PLCG2: variants seen among roughly 807,000 people sequenced by gnomAD.
PLCG2 encodes phospholipase C gamma 2, also known as 1-phosphatidylinositol 4,5-bisphosphate phosphodiesterase gamma-2.
PLCG2 carries 69 observed loss-of-function variants against 175.6 expected under a neutral mutation model. That is an observed-to-expected ratio of 0.39 (90% CI 0.32 to 0.48). The LOEUF (loss-of-function observed/expected upper bound fraction) is 0.48. Ranked by LOEUF, PLCG2 falls within the 20% of genes least tolerant of loss-of-function variation. The probability of loss-of-function intolerance (pLI) is 0.91; values close to 1 mark genes in which losing one functional copy is unlikely to be tolerated. For synonymous variants in PLCG2, 827 were observed against 624.0 expected, an observed-to-expected ratio of 1.33 and a Z score of -4.85; for missense variants, 1,798 against 1,650.9, an observed-to-expected ratio of 1.09 and a Z score of -1.54.
chr16:81,837,957 C>G (rs1038598797), intron 2 of PLCG2, among the ~76,000 whole-genome samples: 1 of 152,152 alleles, frequency 6.6e-6, no homozygotes, highest in Non-Finnish European at 1.5e-5. Context: ...TAGTTATGTA[C>G]AATTTGGTCA....
In PLCG2 at chr16:81,831,254, T is replaced by C. The variant is rs548115309; in HGVS notation, c.194-23190T>C. 2.6e-4 allele frequency among the ~76,000 whole-genome samples: 40 copies of C among 152,342 alleles called. 1 individual carries two copies. Among genetic ancestry groups the C allele is most frequent in the African/African-American group, 9.6e-4 (40 of 41,564 alleles). On this transcript the variant is annotated intron_variant, in intron 2 of 32. Coordinates refer to ENST00000564138, the MANE Select transcript of PLCG2 (RefSeq NM_002661.5). Reference sequence around the variant, plus strand: ...ATGTAATTCTTCGAGGCCAGGAATTTGGTCTGTTTTATTCATAGCTGTATC... The same window carrying C: ...ATGTAATTCTTCGAGGCCAGGAATTCGGTCTGTTTTATTCATAGCTGTATC...
At chr16:81,752,267 G>A (rs1909827424) in intron 1 of PLCG2, among the ~76,000 whole-genome samples, 1 of 152,118 alleles carries the variant, frequency 6.6e-6, no homozygotes, top group Admixed American at 6.6e-5. Flanking sequence ...TCATTGTGGG[G>A]TGAAAGCAGG....
intron 2 of PLCG2, among the ~76,000 whole-genome samples, chr16:81,845,864 C>T (rs981625806): frequency 2.6e-4 from 39 of 152,224 alleles, no homozygotes; most frequent in Non-Finnish European, 7.3e-5. Flanking sequence ...TATGTGGCTT[C>T]TTAGAGTCAC....
At chr16:81,911,623 A>G (rs542878500) in intron 18 of PLCG2, among the ~76,000 whole-genome samples, 332 of 116,912 alleles carry the variant, frequency 2.8e-3, no homozygotes, top group African/African-American at 0.01. Context: ...TTAATTAATT[A>G]ATTTTGAGAC....
rs770339418 is a variant in PLCG2, at chr16:81,910,727, G to T, written c.1934+7G>T. On this transcript the variant is annotated splice_region_variant and intron_variant, in intron 18 of 32. Coordinates refer to ENST00000564138, the MANE Select transcript of PLCG2 (RefSeq NM_002661.5). ...ACCCCCACGAGTCCAAGCCGTACGT[G>T]TCTGAGGGTGGAGCAGGAGGCAGGC... 8 of 1,605,418 alleles carry T rather than the reference G, an allele frequency of 5.0e-6. No homozygotes were observed. The highest frequency in any genetic ancestry group is 6.8e-6 in the Non-Finnish European group (8 of 1,179,560).
chr16:81,745,110 C>T lies in PLCG2; in HGVS notation c.-145+5725C>T, dbSNP rs142754303. On this transcript the variant is annotated intron_variant, in intron 1 of 5. Transcript: ENST00000565054. Reference sequence around the variant, plus strand: ...GCTGGTTGTAAATGACCTCCAGCAACGGGGCTGGGTTTTGCATCCAGGTCA... The same window carrying T: ...GCTGGTTGTAAATGACCTCCAGCAATGGGGCTGGGTTTTGCATCCAGGTCA... Among the ~76,000 whole-genome samples the T allele has an allele frequency of 5.6e-3, 858 of 152,250 alleles. 7 individuals are homozygous for T. Among genetic ancestry groups the T allele is most frequent in the African/African-American group, 0.02 (822 of 41,552 alleles).
At chr16:81,910,825 C>T (rs1222444372) in intron 18 of PLCG2, 105 bp downstream of exon 18, 2 of 1,041,938 alleles carry the variant, frequency 1.9e-6, no homozygotes, top group Admixed American at 1.8e-5. Context: ...CCAGGACACC[C>T]TCTCCCCAGC....
At chr16:81,852,929 G>C (rs1040511257) in intron 2 of PLCG2, among the ~76,000 whole-genome samples, 5 of 152,092 alleles carry the variant, frequency 3.3e-5, no homozygotes, top group African/African-American at 9.7e-5. Context: ...CTCTCCATAG[G>C]GCTAACTTGG....
chr16:81,782,575 G>A (rs553293443), intron 1 of PLCG2, among the ~76,000 whole-genome samples: 83 of 152,326 alleles, frequency 5.4e-4, no homozygotes, highest in Non-Finnish European at 7.3e-4. Context: ...TCTTTTGGCC[G>A]TGAAGATCTG....
chr16:81,778,454 C>G (rs889296732), upstream of PLCG2, among the ~76,000 whole-genome samples: 16 of 152,282 alleles, frequency 1.1e-4, no homozygotes, highest in African/African-American at 3.4e-4. Flanking sequence ...GAAACTGCCT[C>G]TAGTCACAAC....
chr16:81,946,098 C>A, intron 30 of PLCG2, 77 bp from the exon 31 acceptor site: 1 of 1,094,310 alleles, frequency 9.1e-7, no homozygotes, highest in Non-Finnish European at 1.4e-6. Context: ...CCTATGATCC[C>A]GAGGTAGCCT....
At chr16:81,923,622 CG>C in intron 22 of PLCG2, 28 bp downstream of exon 22, 1 of 1,388,368 alleles carries the variant, frequency 7.2e-7, no homozygotes. Flanking sequence ...CTGGGCTGCT[CG>C]GCAGGTGGGC....
At chr16:81,755,282 G>A (rs1469253168) in intron 1 of PLCG2, among the ~76,000 whole-genome samples, 1 of 151,772 alleles carries the variant, frequency 6.6e-6, no homozygotes, top group African/African-American at 2.4e-5. Context: ...CTGCAGCCTT[G>A]ACCTCCTGGG....
At chr16:81,812,810 C>G (rs1410940556) in intron 2 of PLCG2, among the ~76,000 whole-genome samples, 3 of 151,908 alleles carry the variant, frequency 2.0e-5, no homozygotes, top group Admixed American at 2.0e-4. Context: ...GGTTTTAGGT[C>G]TTATGTTTAA....
At position 81,961,100 on chromosome 16, in the gene PLCG2, A is replaced by G. The variant is rs1256138790; in HGVS notation, c.*3102A>G. 1 of 230,268 alleles carries G rather than the reference A, an allele frequency of 4.3e-6. No homozygotes were observed. The highest frequency in any genetic ancestry group is 8.5e-6 in the Non-Finnish European group (1 of 116,994). The allele number at this position is 230,268 out of a possible 1,614,324, so 14.3% of individuals were successfully genotyped here. Reference sequence around the variant, plus strand: ...TTTCCAAGTTTTTCTGGTGGTTCCAAATTTTTTGCTTTCAACAAAGTGGGA... The same window carrying G: ...TTTCCAAGTTTTTCTGGTGGTTCCAGATTTTTTGCTTTCAACAAAGTGGGA... On this transcript the variant is annotated 3_prime_UTR_variant, in exon 33 of 33. Coordinates refer to ENST00000564138, the MANE Select transcript of PLCG2 (RefSeq NM_002661.5).
chr16:81,956,830 A>C lies in PLCG2; in HGVS notation c.3706A>C (p.Ser1236Arg). The change falls in exon 32 of 33, where the codon AGT (serine) becomes CGT (arginine). Residue 1236 changes from serine (S) to arginine (R), a missense_variant. Coordinates refer to ENST00000564138, the MANE Select transcript of PLCG2 (RefSeq NM_002661.5). Reference sequence around the variant, plus strand: ...CCGGGATGCCCTGGTTAAAGAGTTCAGTGTTAATGAGAACCAGCTCCAGCT... The same window carrying C: ...CCGGGATGCCCTGGTTAAAGAGTTCCGTGTTAATGAGAACCAGCTCCAGCT... Reference protein sequence around the residue: ...ANRDALVKEFSVNENQLQLYQ... With the variant: ...ANRDALVKEFRVNENQLQLYQ... 1 of 1,614,196 alleles carries C rather than the reference A, an allele frequency of 6.2e-7. No individual in the cohort carries two copies. Among genetic ancestry groups the C allele is most frequent in the Non-Finnish European group, 8.5e-7 (1 of 1,180,002 alleles).
At chr16:81,757,030 T>C (rs1255201134) in intron 2 of PLCG2, among the ~76,000 whole-genome samples, 1 of 152,228 alleles carries the variant, frequency 6.6e-6, no homozygotes, top group Non-Finnish European at 1.5e-5. Context: ...TGTATCTTGG[T>C]GAGTGGTTGT....
At chr16:81,761,119 A>T (rs985084100) in intron 2 of PLCG2, among the ~76,000 whole-genome samples, 1 of 152,060 alleles carries the variant, frequency 6.6e-6, no homozygotes, top group African/African-American at 2.4e-5. Context: ...CTGGTCTCAA[A>T]CTTCTGGGCT....
intron 2 of PLCG2, among the ~76,000 whole-genome samples, chr16:81,814,990 T>C (rs181466570): frequency 7.9e-5 from 12 of 152,354 alleles, no homozygotes; most frequent in Admixed American, 6.5e-4. Context: ...AAGTTACTTT[T>C]ATTATTATCA....
Sources: allele counts gnomAD v4.1 joint callset (sites outside exome capture counted in the v4.1 genomes callset), GRCh38; gene constraint gnomAD v4.1.1; transcripts MANE v1.5; gene names NCBI Gene and HGNC (gene_info 2026-07-23, HGNC 2026-07-21).